SAMHD1: variants seen among roughly 807,000 people sequenced by gnomAD.
The protein encoded by SAMHD1 is SAM and HD domain containing deoxynucleoside triphosphate triphosphohydrolase 1.
A neutral mutation model predicts 79.6 loss-of-function variants in SAMHD1; 54 were observed. The ratio of observed to expected loss-of-function variants is 0.68; its 90% CI spans 0.55 to 0.85. The LOEUF (loss-of-function observed/expected upper bound fraction) is 0.85, where lower values mean the gene tolerates loss of function less well. Ranked by LOEUF, SAMHD1 falls within the 40% of genes least tolerant of loss-of-function variation. SAMHD1 has a pLI of 0.00. For missense variants in SAMHD1, 663 were observed against 782.7 expected (o/e 0.85, Z 1.82); for synonymous variants, 260 against 264.1 (o/e 0.98, Z 0.15).
chr20:36,946,910 C>T, intron 1 of SAMHD1, 106 bp from the exon 2 acceptor site: 1 of 834,372 alleles, frequency 1.2e-6, no homozygotes, highest in East Asian at 2.7e-5. Flanking sequence ...TGAGTACCCA[C>T]TGCAGGCAAT....
At chr20:36,894,017 G>C (rs565277221) in intron 15 of SAMHD1, 1 of 398,262 alleles carries the variant, frequency 2.5e-6, no homozygotes, top group Non-Finnish European at 4.4e-6. Flanking sequence ...CTATTCTGTG[G>C]TTCTAGCTTT....
At chr20:36,921,628 C>T (rs1269333916) in intron 6 of SAMHD1, among the ~76,000 whole-genome samples, 7 of 151,354 alleles carry the variant, frequency 4.6e-5, no homozygotes, top group East Asian at 3.9e-4. Flanking sequence ...CCTGGGCTCC[C>T]GGGCTCAAGC....
At chr20:36,893,408 C>T in intron 15 of SAMHD1, 1 of 384,454 alleles carries the variant, frequency 2.6e-6, no homozygotes, top group South Asian at 3.0e-5. Context: ...ATGCACTGAA[C>T]CCCTAGCTTC....
chr20:36,900,187 T>A (rs1326855650), intron 13 of SAMHD1, among the ~76,000 whole-genome samples: 1 of 152,122 alleles, frequency 6.6e-6, no homozygotes, highest in Non-Finnish European at 1.5e-5. Context: ...TACAGCTAGA[T>A]AGGAGGAGTA....
At chr20:36,930,087 A>C (rs2063559274) in intron 5 of SAMHD1, among the ~76,000 whole-genome samples, 2 of 2,050 alleles carry the variant, frequency 9.8e-4, no homozygotes, top group African/African-American at 0.011. Flanking sequence ...AAAAAGACCA[A>C]AAAAAAAAAA....
chr20:36,942,750 C>A (rs1442104774), intron 2 of SAMHD1, among the ~76,000 whole-genome samples: 2 of 151,922 alleles, frequency 1.3e-5, no homozygotes, highest in African/African-American at 4.8e-5. Context: ...GGGTTCACGC[C>A]ATTCTCCCGC....
At chr20:36,894,273 G>A (rs1042816229) in intron 15 of SAMHD1, 2 of 175,394 alleles carry the variant, frequency 1.1e-5, no homozygotes, top group Non-Finnish European at 1.2e-5. Context: ...ATTTTGCTCT[G>A]TCACCCATGC....
intron 9 of SAMHD1, among the ~76,000 whole-genome samples, chr20:36,914,843 C>CA (rs61255506): frequency 0.017 from 2,223 of 132,922 alleles, 20 homozygotes; most frequent in African/African-American, 0.032. Flanking sequence ...CCTGTCTCTA[C>CA]AAAAAAAAAA....
rs2063604316 is a variant in SAMHD1 at position 36,936,475 on chromosome 20, C to A, written c.349-1286G>T. ...AGCTGGGACTACAGGCATGTACCAC[C>A]ATTCCTAGCTAATTTATTTTTATTC... is the stretch of plus-strand genomic sequence containing the variant. On this transcript the variant is annotated intron_variant, in intron 3 of 15. Coordinates refer to ENST00000646673, the MANE Select transcript of SAMHD1 (RefSeq NM_015474.4). Among the ~76,000 whole-genome samples, 3 of 151,674 alleles carry A rather than the reference C, an allele frequency of 2.0e-5. No individual in the cohort carries two copies. The South Asian group carries it at 6.2e-4, about 32-fold the overall frequency.
intron 5 of SAMHD1, among the ~76,000 whole-genome samples, chr20:36,929,840 G>A (rs1286957530): frequency 6.6e-6 from 1 of 152,068 alleles, no homozygotes; most frequent in African/African-American, 2.4e-5. Context: ...TTCTCTAAAT[G>A]TGTTAATCCA....
intron 3 of SAMHD1, 87 bp from the exon 4 acceptor site, chr20:36,935,276 G>A (rs1012021895): frequency 7.6e-6 from 8 of 1,058,674 alleles, no homozygotes; most frequent in Non-Finnish European, 1.2e-5. Context: ...ATAGTGCAAA[G>A]TCAAAGCTAT....
At chr20:36,910,178 G>A in intron 11 of SAMHD1, among the ~76,000 whole-genome samples, 1 of 149,930 alleles carries the variant, frequency 6.7e-6, no homozygotes, top group Non-Finnish European at 1.5e-5. Context: ...AGCCGAGATT[G>A]TGCCACTGCA....
intron 1 of SAMHD1, 23 bp from the exon 2 acceptor site, chr20:36,946,827 T>C (rs920376401): frequency 6.4e-7 from 1 of 1,569,282 alleles, no homozygotes; most frequent in African/African-American, 1.4e-5. Context: ...AAAGACAAAT[T>C]CAATGTATAC....
intron 6 of SAMHD1, among the ~76,000 whole-genome samples, chr20:36,920,360 C>T (rs926802042): frequency 5.3e-5 from 8 of 152,096 alleles, no homozygotes; most frequent in Non-Finnish European, 1.2e-4. Flanking sequence ...AAATAATCCT[C>T]CTGTCTCAGC....
rs190379870 is a variant in SAMHD1, at chr20:36,934,785, A to G, written c.509+244T>C. On this transcript the variant is annotated intron_variant, in intron 4 of 15. Coordinates refer to ENST00000646673, the MANE Select transcript of SAMHD1 (RefSeq NM_015474.4). ...GTGATCCTCCTGCCTCAGCCTCCTG[A>G]GTAGCTAGGATTACAGGTGCGCACA... 6.5e-4 allele frequency: 261 copies of G among 403,376 alleles called. 1 individual carries two copies. Among genetic ancestry groups the G allele is most frequent in the African/African-American group, 3.8e-3 (185 of 48,426 alleles). The allele number at this position is 403,376 out of a possible 1,614,324, so 25.0% of individuals were successfully genotyped here. A position where few individuals can be genotyped will look rare whatever the true frequency, so the allele number is the denominator to read the frequency against.
intron 4 of SAMHD1, among the ~76,000 whole-genome samples, chr20:36,932,300 G>C (rs1013057319): frequency 7.2e-6 from 1 of 139,120 alleles, no homozygotes; most frequent in Non-Finnish European, 1.5e-5. Context: ...GTGGTGAGCC[G>C]AGATTGCGCC....
At chr20:36,914,720 C>G (rs1395894318) in intron 9 of SAMHD1, among the ~76,000 whole-genome samples, 1 of 151,210 alleles carries the variant, frequency 6.6e-6, no homozygotes, top group African/African-American at 2.4e-5. Context: ...TGTAAGAATA[C>G]AGTAGATGGG....
At chr20:36,903,372 T>G (rs8118686) in intron 13 of SAMHD1, among the ~76,000 whole-genome samples, 2 of 151,336 alleles carry the variant, frequency 1.3e-5, no homozygotes, top group South Asian at 4.2e-4. Context: ...CCTGAGTAGC[T>G]GGGACTACAG....
rs927066356 is a variant in SAMHD1, at chr20:36,922,421, C to T, written c.697-2902G>A. 1.6e-4 allele frequency among the ~76,000 whole-genome samples: 24 copies of T among 152,198 alleles called. 1 individual carries two copies. The highest frequency in any genetic ancestry group is 1.5e-5 in the Non-Finnish European group (1 of 68,038). ...TTCTTTGAGAGACAGGGCTCTTGCT[C>T]TATCACCCAGGCTGGAGCTCAGTGG... is the stretch of plus-strand genomic sequence containing the variant. On this transcript the variant is annotated intron_variant, in intron 6 of 15. Transcript: ENST00000646673.
Sources: gnomAD v4.1 joint callset for allele counts (sites outside exome capture counted in the v4.1 genomes callset) on GRCh38, gnomAD v4.1.1 for gene constraint, MANE v1.5 for transcripts, NCBI Gene and HGNC (gene_info 2026-07-23, HGNC 2026-07-21) for gene names.